Variants in TNPO1 observed in about 807,000 individuals in gnomAD.
TNPO1 encodes the protein transportin 1, also known as transportin-1.
Under a neutral mutation model 119.5 loss-of-function variants are expected in TNPO1, and 8 were observed. The observed-to-expected ratio is 0.07, with a 90% CI of 0.04 to 0.12. TNPO1 has a LOEUF of 0.12. TNPO1 is among the 10% of genes least tolerant of loss of function. TNPO1 has a pLI of 1.00. For synonymous variants in TNPO1, 362 were observed against 363.0 expected, an observed-to-expected ratio of 1.00 and a Z score of 0.03; for missense variants, 576 against 1,089.8, an observed-to-expected ratio of 0.53 and a Z score of 6.64.
chr5:72,883,380 A>C, intron 11 of TNPO1, 148 bp downstream of exon 11: 1 of 617,052 alleles, frequency 1.6e-6, no homozygotes, highest in Non-Finnish European at 3.0e-6. Flanking sequence ...CATTACCACA[A>C]TCAGTTGTAG....
intron 14 of TNPO1, among the ~76,000 whole-genome samples, chr5:72,890,705 G>A (rs1748984981): frequency 6.6e-6 from 1 of 152,098 alleles, no homozygotes; most frequent in South Asian, 2.1e-4. Flanking sequence ...TGATCACTAT[G>A]TTTAGTCGTT....
At chr5:72,858,807 A>C (rs1178720137) in intron 4 of TNPO1, among the ~76,000 whole-genome samples, 1 of 152,032 alleles carries the variant, frequency 6.6e-6, no homozygotes, top group Non-Finnish European at 1.5e-5. Context: ...ATTGCACTCC[A>C]GCCTGGATGA....
At chr5:72,865,864 A>C in intron 6 of TNPO1, 135 bp downstream of exon 6, 1 of 941,416 alleles carries the variant, frequency 1.1e-6, no homozygotes, top group East Asian at 2.7e-5. Flanking sequence ...GAACTTATGT[A>C]ATTGAAATTG....
intron 22 of TNPO1, among the ~76,000 whole-genome samples, chr5:72,902,852 TA>T (rs1422464827): frequency 1.3e-5 from 2 of 152,176 alleles, no homozygotes; most frequent in East Asian, 3.8e-4. Flanking sequence ...TCAGATTTGG[TA>T]TTTGGAAGAC....
At chr5:72,826,582 A>C (rs965791175) in intron 1 of TNPO1, among the ~76,000 whole-genome samples, 4 of 150,634 alleles carry the variant, frequency 2.7e-5, no homozygotes, top group Non-Finnish European at 4.4e-5. Flanking sequence ...GTAGACACTT[A>C]GTAAGTATTT....
rs141250362 is a variant in TNPO1 at position 72,851,460 on chromosome 5, C to G, written c.205+141C>G. 2.5e-3 allele frequency: 1,461 copies of G among 579,708 alleles called. 38 individuals are homozygous for G. The Admixed American group carries it at 0.046, about 18-fold the overall frequency. The allele number at this position is 579,708 out of a possible 1,614,324, so 35.9% of individuals were successfully genotyped here. ...GTGGGATAAACAGTCTTAGTTAATA[C>G]CACTCAGTATTTACATGTTTAATAA... On this transcript the variant is annotated intron_variant, in intron 3 of 24. Coordinates refer to ENST00000337273, the MANE Select transcript of TNPO1 (RefSeq NM_002270.4).
chr5:72,833,975 T>C (rs189980863), intron 1 of TNPO1, among the ~76,000 whole-genome samples: 217 of 152,346 alleles, frequency 1.4e-3, no homozygotes, highest in African/African-American at 5.0e-3. Context: ...CCTATCCCTT[T>C]GCATAATATG....
intron 4 of TNPO1, among the ~76,000 whole-genome samples, chr5:72,857,013 GTCAGATGCTT>G (rs1312384612): frequency 6.6e-6 from 1 of 152,146 alleles, no homozygotes; most frequent in Non-Finnish European, 1.5e-5. Context: ...CGTTAAATGA[GTCAGATGCTT>G]TCATTAAGAG....
chr5:72,822,171 AT>A (rs1435355782), intron 1 of TNPO1, among the ~76,000 whole-genome samples: 1 of 152,244 alleles, frequency 6.6e-6, no homozygotes, highest in African/African-American at 2.4e-5. Flanking sequence ...GCAGAATAAA[AT>A]AGATTTTTAA....
chr5:72,851,359 T>C, intron 3 of TNPO1, 40 bp downstream of exon 3: 1 of 1,178,058 alleles, frequency 8.5e-7, no homozygotes. Flanking sequence ...AAAGTTTCTT[T>C]AAGACCTGTT....
At chr5:72,905,765 C>T (rs776813558) in intron 24 of TNPO1, among the ~76,000 whole-genome samples, 3 of 152,006 alleles carry the variant, frequency 2.0e-5, no homozygotes, top group Admixed American at 6.6e-5. Flanking sequence ...TGTGGTGGGA[C>T]GTGCTTTTGT....
chr5:72,872,592 A>G, intron 6 of TNPO1, 47 bp from the exon 7 acceptor site: 3 of 1,388,094 alleles, frequency 2.2e-6, no homozygotes, highest in South Asian at 1.3e-5. Flanking sequence ...CTATAGATAG[A>G]ACAAAGTTAC....
intron 22 of TNPO1, 53 bp from the exon 23 acceptor site, chr5:72,903,656 C>A: frequency 8.1e-7 from 1 of 1,232,692 alleles, no homozygotes; most frequent in Non-Finnish European, 1.2e-6. Flanking sequence ...ATATCTTTTG[C>A]TGAGTTTGAC....
intron 1 of TNPO1, chr5:72,848,104 G>A: frequency 8.9e-7 from 1 of 1,122,968 alleles, no homozygotes; most frequent in East Asian, 5.6e-5. Context: ...CTTGGGGCCA[G>A]ATTGCAAATT....
At chr5:72,898,512 ATTG>A (rs1749601075) in intron 20 of TNPO1, among the ~76,000 whole-genome samples, 1 of 152,092 alleles carries the variant, frequency 6.6e-6, no homozygotes, top group Admixed American at 6.5e-5. Flanking sequence ...TGCATAAAGT[ATTG>A]TTTTCTTTAT....
In TNPO1 at chr5:72,909,778, T is replaced by C. The variant is rs540596715; in HGVS notation, c.*1105T>C. ...TGTAGTTTACAGGTAGGCCTTGAAA[T>C]ATCTTTTTTAGGATCTGTTAGGAAT... On this transcript the variant is annotated 3_prime_UTR_variant, in exon 25 of 25. Coordinates refer to ENST00000337273, the MANE Select transcript of TNPO1 (RefSeq NM_002270.4). The C allele has an allele frequency of 6.6e-6, 1 of 152,650 alleles. No individual in the cohort carries two copies. Among genetic ancestry groups the C allele is most frequent in the Non-Finnish European group, 1.5e-5 (1 of 68,030 alleles). The allele number at this position is 152,650 out of a possible 1,614,324, so 9.5% of individuals were successfully genotyped here. A position where few individuals can be genotyped will look rare whatever the true frequency, so the allele number is the denominator to read the frequency against.
At chr5:72,857,331 A>T (rs1211026588) in intron 4 of TNPO1, among the ~76,000 whole-genome samples, 1 of 149,954 alleles carries the variant, frequency 6.7e-6, no homozygotes, top group Non-Finnish European at 1.5e-5. Flanking sequence ...AAAAAAAAAG[A>T]GTTCCTGTTT....
chr5:72,872,738 C>T lies in TNPO1; in HGVS notation c.678+18C>T. On this transcript the variant is annotated intron_variant, in intron 7 of 24. Coordinates refer to ENST00000337273, the MANE Select transcript of TNPO1 (RefSeq NM_002270.4). ...TTATTGAGGTAAGACTTGTTCTTGTCTCCCTCCCAACCCCCCAGCTTTTTT... is the reference window on the plus strand; with the variant it reads ...TTATTGAGGTAAGACTTGTTCTTGTTTCCCTCCCAACCCCCCAGCTTTTTT... The T allele has an allele frequency of 6.4e-7, 1 of 1,556,622 alleles. No individual in the cohort carries two copies.
chr5:72,837,639 A>T (rs887466726), intron 1 of TNPO1, among the ~76,000 whole-genome samples: 1 of 152,258 alleles, frequency 6.6e-6, no homozygotes, highest in Non-Finnish European at 1.5e-5. Context: ...ATAATCTAAG[A>T]AATCTTCATC....
Sources: allele counts gnomAD v4.1 joint callset (sites outside exome capture counted in the v4.1 genomes callset), GRCh38; gene constraint gnomAD v4.1.1; transcripts MANE v1.5; gene names NCBI Gene and HGNC (gene_info 2026-07-23, HGNC 2026-07-21).